ETV6: variants seen among roughly 807,000 people sequenced by gnomAD.
ETV6 encodes the protein transcription factor ETV6.
ETV6 carries 16 observed loss-of-function variants against 51.1 expected under a neutral mutation model. The ratio of observed to expected loss-of-function variants is 0.31; its 90% CI spans 0.21 to 0.48. ETV6 has a LOEUF of 0.48. Ranked by LOEUF, ETV6 falls within the 20% of genes least tolerant of loss-of-function variation. The probability of loss-of-function intolerance (pLI) is 0.99; values close to 1 mark genes in which losing one functional copy is unlikely to be tolerated. For missense variants in ETV6, 458 were observed against 594.8 expected, an observed-to-expected ratio of 0.77 and a Z score of 2.39; for synonymous variants, 240 against 224.1, an observed-to-expected ratio of 1.07 and a Z score of -0.64.
intron 2 of ETV6, among the ~76,000 whole-genome samples, chr12:11,768,747 G>T (rs961373355): frequency 4.6e-5 from 7 of 152,196 alleles, no homozygotes; most frequent in Non-Finnish European, 1.0e-4. Flanking sequence ...CTGAAAGAGA[G>T]CCTGTTCTAG....
chr12:11,878,996 C>T (rs950970613), intron 5 of ETV6, among the ~76,000 whole-genome samples: 2 of 152,018 alleles, frequency 1.3e-5, no homozygotes, highest in East Asian at 1.9e-4. Flanking sequence ...CCACTAGATG[C>T]TAGGAGCACC....
At chr12:11,694,110 A>G (rs1025063904) in intron 1 of ETV6, among the ~76,000 whole-genome samples, 78 of 152,318 alleles carry the variant, frequency 5.1e-4, no homozygotes, top group African/African-American at 1.8e-3. Context: ...TATATGTTGG[A>G]TGGCTTTTTG....
At chr12:11,665,250 C>T (rs984572659) in intron 1 of ETV6, among the ~76,000 whole-genome samples, 4 of 152,208 alleles carry the variant, frequency 2.6e-5, no homozygotes, top group East Asian at 1.9e-4. Flanking sequence ...CCGCCCAACT[C>T]GGCCTCCCAA....
chr12:11,670,676 G>A (rs2120693729), intron 1 of ETV6, among the ~76,000 whole-genome samples: 1 of 152,336 alleles, frequency 6.6e-6, no homozygotes, highest in East Asian at 1.9e-4. Context: ...TAACTGGGGA[G>A]AAGATTTAGG....
At chr12:11,759,119 G>C (rs770187587) in intron 2 of ETV6, among the ~76,000 whole-genome samples, 4 of 151,522 alleles carry the variant, frequency 2.6e-5, no homozygotes, top group Non-Finnish European at 5.9e-5. Flanking sequence ...CATGCTTCCT[G>C]ATAAGGAAGC....
intron 1 of ETV6, among the ~76,000 whole-genome samples, chr12:11,678,723 C>G (rs1424108570): frequency 6.6e-6 from 1 of 152,066 alleles, no homozygotes; most frequent in African/African-American, 2.4e-5. Flanking sequence ...AAGTTGGAGA[C>G]CCAGGAAAGC....
chr12:11,867,996 C>T (rs1591733494), intron 4 of ETV6, among the ~76,000 whole-genome samples: 1 of 152,204 alleles, frequency 6.6e-6, no homozygotes, highest in Admixed American at 6.5e-5. Context: ...GCTGTGTACA[C>T]TTCTGATGTT....
chr12:11,720,184 T>C (rs1035081287), intron 1 of ETV6, among the ~76,000 whole-genome samples: 5 of 152,226 alleles, frequency 3.3e-5, no homozygotes, highest in Non-Finnish European at 7.3e-5. Flanking sequence ...TGTTAGCATG[T>C]TCAGGCACAG....
chr12:11,828,929 C>T (rs1388357087), intron 2 of ETV6, among the ~76,000 whole-genome samples: 1 of 152,122 alleles, frequency 6.6e-6, no homozygotes, highest in Non-Finnish European at 1.5e-5. Flanking sequence ...AAAGGTACCC[C>T]TTAAATTTTG....
In ETV6 at chr12:11,874,463, T is replaced by C. The variant is rs555764179; in HGVS notation, c.1009+4494T>C. Among the ~76,000 whole-genome samples the C allele has an allele frequency of 3.7e-5, 5 of 136,646 alleles. 1 individual carries two copies. Among genetic ancestry groups the C allele is most frequent in the African/African-American group, 8.5e-5 (3 of 35,450 alleles). The allele number at this position is 136,646 out of a possible 152,430, so 89.6% of individuals were successfully genotyped here. On this transcript the variant is annotated intron_variant, in intron 5 of 7. Transcript: ENST00000396373. ...GTATATATATATGCGTATGTATATATACACACACACGTGTATGTGCGTGTG... is the reference window on the plus strand; with the variant it reads ...GTATATATATATGCGTATGTATATACACACACACACGTGTATGTGCGTGTG...
intron 2 of ETV6, among the ~76,000 whole-genome samples, chr12:11,817,477 TAAATC>T (rs1946010403): frequency 6.6e-6 from 1 of 152,032 alleles, no homozygotes; most frequent in Non-Finnish European, 1.5e-5. Flanking sequence ...AACCAAAAAA[TAAATC>T]AGTTGATCAG....
At chr12:11,889,870 A>G (rs1267779388) in intron 7 of ETV6, among the ~76,000 whole-genome samples, 1 of 152,168 alleles carries the variant, frequency 6.6e-6, no homozygotes, top group African/African-American at 2.4e-5. Context: ...GGCAGAGTAT[A>G]TGGGGAGAGA....
chr12:11,681,774 T>C (rs1864535423), intron 1 of ETV6, among the ~76,000 whole-genome samples: 1 of 152,176 alleles, frequency 6.6e-6, no homozygotes, highest in African/African-American at 2.4e-5. Flanking sequence ...TCCGTGTCCA[T>C]GTGTTCTCAT....
chr12:11,781,058 A>G (rs568403813), intron 2 of ETV6, among the ~76,000 whole-genome samples: 5 of 152,244 alleles, frequency 3.3e-5, no homozygotes, highest in African/African-American at 4.8e-5. Context: ...GCATGCTAGG[A>G]AACTTGCCTC....
chr12:11,800,732 T>C (rs1205692093), intron 2 of ETV6, among the ~76,000 whole-genome samples: 1 of 152,074 alleles, frequency 6.6e-6, no homozygotes, highest in Non-Finnish European at 1.5e-5. Flanking sequence ...TTCATGAGAA[T>C]GAAGTTACCC....
At chr12:11,721,386 A>C (rs1471635374) in intron 1 of ETV6, among the ~76,000 whole-genome samples, 4 of 152,240 alleles carry the variant, frequency 2.6e-5, no homozygotes, top group African/African-American at 9.7e-5. Context: ...TTGCAGCCAT[A>C]AAAAGGAATG....
intron 2 of ETV6, among the ~76,000 whole-genome samples, chr12:11,816,963 T>C (rs1368913802): frequency 1.3e-5 from 2 of 152,216 alleles, no homozygotes; most frequent in Non-Finnish European, 2.9e-5. Flanking sequence ...CACATGCCAT[T>C]ACCATAGTGG....
intron 2 of ETV6, among the ~76,000 whole-genome samples, chr12:11,792,740 G>T (rs1007716190): frequency 2.0e-5 from 3 of 152,062 alleles, no homozygotes; most frequent in Admixed American, 2.0e-4. Context: ...TGCTAATGGG[G>T]TTCAATTTTC....
At chr12:11,796,277 AG>A (rs1056972463) in intron 2 of ETV6, among the ~76,000 whole-genome samples, 3 of 152,214 alleles carry the variant, frequency 2.0e-5, no homozygotes, top group Admixed American at 1.3e-4. Flanking sequence ...CTTGCCGGAA[AG>A]GAAAAAAACA....
Sources: gnomAD v4.1 joint callset for allele counts (sites outside exome capture counted in the v4.1 genomes callset) on GRCh38, gnomAD v4.1.1 for gene constraint, MANE v1.5 for transcripts, NCBI Gene and HGNC (gene_info 2026-07-23, HGNC 2026-07-21) for gene names.